CCSER1: variants seen among roughly 807,000 people sequenced by gnomAD.
CCSER1 encodes serine-rich coiled-coil domain-containing protein 1.
CCSER1 carries 41 observed loss-of-function variants against 82.0 expected under a neutral mutation model. The observed-to-expected ratio is 0.50, with a 90% CI of 0.39 to 0.65. CCSER1 has a LOEUF of 0.65. Ranked by LOEUF, CCSER1 falls within the 30% of genes least tolerant of loss-of-function variation. CCSER1 has a pLI of 0.00. For missense variants in CCSER1, 1,119 were observed against 1,064.2 expected (o/e 1.05, Z -0.72); for synonymous variants, 414 against 383.9 (o/e 1.08, Z -0.92).
chr4:90,145,080 T>C (rs1297129470), intron 1 of CCSER1, among the ~76,000 whole-genome samples: 1 of 152,122 alleles, frequency 6.6e-6, no homozygotes, highest in Non-Finnish European at 1.5e-5. Context: ...TCAAGTATTA[T>C]GATAAAAAGT....
At chr4:91,484,887 C>T (rs552253569) in intron 10 of CCSER1, among the ~76,000 whole-genome samples, 19 of 152,234 alleles carry the variant, frequency 1.2e-4, no homozygotes, top group South Asian at 8.3e-4. Context: ...AAGTCTAAAT[C>T]GATACCTGTG....
At chr4:90,541,109 C>G (rs1311295919) in intron 5 of CCSER1, among the ~76,000 whole-genome samples, 1 of 151,906 alleles carries the variant, frequency 6.6e-6, no homozygotes, top group Non-Finnish European at 1.5e-5. Context: ...TTCTTTCATC[C>G]TGGCCTGATG....
chr4:90,627,952 G>A, intron 5 of CCSER1, 73 bp from the exon 6 acceptor site: 1 of 1,127,882 alleles, frequency 8.9e-7, no homozygotes, highest in Non-Finnish European at 1.3e-6. Context: ...TAGAAACATT[G>A]ATTAACAACT....
intron 9 of CCSER1, among the ~76,000 whole-genome samples, chr4:90,932,970 G>GA (rs1190944883): frequency 4.1e-4 from 13 of 31,960 alleles, no homozygotes; most frequent in Non-Finnish European, 1.1e-4. Context: ...AAGAAAGAAA[G>GA]AAAGAAAGAA....
intron 4 of CCSER1, among the ~76,000 whole-genome samples, chr4:90,462,858 C>T (rs1004478658): frequency 3.3e-5 from 5 of 152,054 alleles, no homozygotes; most frequent in Non-Finnish European, 7.4e-5. Context: ...CACCACAACC[C>T]AAGTGCAAGA....
chr4:91,406,722 G>T (rs1286473795), intron 10 of CCSER1, among the ~76,000 whole-genome samples: 1 of 152,038 alleles, frequency 6.6e-6, no homozygotes, highest in Non-Finnish European at 1.5e-5. Flanking sequence ...ATATCTTCAT[G>T]ACTGTACAAC....
chr4:90,510,252 T>G (rs944471997), intron 5 of CCSER1, among the ~76,000 whole-genome samples: 3 of 152,220 alleles, frequency 2.0e-5, no homozygotes, highest in Admixed American at 2.0e-4. Flanking sequence ...TTTTTAACCT[T>G]CGCTGAAATG....
At chr4:90,911,589 G>A (rs763530807) in intron 8 of CCSER1, among the ~76,000 whole-genome samples, 12 of 152,174 alleles carry the variant, frequency 7.9e-5, no homozygotes, top group Non-Finnish European at 1.8e-4. Flanking sequence ...ATTTCCAACT[G>A]AGGTACCGGG....
chr4:90,706,087 G>C (rs773858330), intron 6 of CCSER1, among the ~76,000 whole-genome samples: 65 of 152,128 alleles, frequency 4.3e-4, no homozygotes, highest in Non-Finnish European at 7.5e-4. Context: ...CTGTAGACTG[G>C]AGCTGTTCCT....
In CCSER1 at chr4:91,067,644, C is replaced by T. The variant is rs79229390; in HGVS notation, c.2173-18306C>T. Among the ~76,000 whole-genome samples the T allele has an allele frequency of 8.7e-3, 1,321 of 152,182 alleles. 20 individuals are homozygous for T. The highest frequency in any genetic ancestry group is 0.031 in the African/African-American group (1,271 of 41,504). On this transcript the variant is annotated intron_variant, in intron 9 of 10. Coordinates refer to ENST00000509176, the MANE Select transcript of CCSER1 (RefSeq NM_001145065.2). ...ACAGGTATGAGCCACTGCACCCACC[C>T]CATCCTTCTTCTTTAAGGTAAATTA...
intron 7 of CCSER1, among the ~76,000 whole-genome samples, chr4:90,774,586 C>A (rs1752656061): frequency 6.6e-6 from 1 of 152,122 alleles, no homozygotes; most frequent in Admixed American, 6.5e-5. Flanking sequence ...TTTGCACCTT[C>A]TTCACTAAGA....
chr4:91,331,947 C>G (rs75321181), intron 10 of CCSER1, among the ~76,000 whole-genome samples: 2,673 of 152,106 alleles, frequency 0.018, 69 homozygotes, highest in African/African-American at 0.061. Flanking sequence ...TTTTCATCAC[C>G]ATCAAAATTA....
chr4:90,529,160 A>G (rs901204330), intron 5 of CCSER1, among the ~76,000 whole-genome samples: 2 of 152,132 alleles, frequency 1.3e-5, no homozygotes, highest in Non-Finnish European at 2.9e-5. Flanking sequence ...GTACATGTAT[A>G]TACACGTTGT....
At chr4:91,508,164 T>TG (rs1759619058) in intron 10 of CCSER1, among the ~76,000 whole-genome samples, 1 of 126,294 alleles carries the variant, frequency 7.9e-6, no homozygotes, top group Non-Finnish European at 1.7e-5. Flanking sequence ...TTTTCTGGGT[T>TG]TTTTTTTTTT....
chr4:90,223,466 A>G (rs1169857707), intron 1 of CCSER1, among the ~76,000 whole-genome samples: 2 of 152,216 alleles, frequency 1.3e-5, no homozygotes, highest in Non-Finnish European at 2.9e-5. Flanking sequence ...AACAAGAAGT[A>G]TGTGACTGTG....
intron 10 of CCSER1, among the ~76,000 whole-genome samples, chr4:91,541,542 A>G (rs1175154809): frequency 6.6e-6 from 1 of 152,096 alleles, no homozygotes; most frequent in Non-Finnish European, 1.5e-5. Context: ...CCATGTCCCT[A>G]CAAAGGACAT....
chr4:90,391,469 T>A (rs1166671528), intron 3 of CCSER1, among the ~76,000 whole-genome samples: 33 of 92,206 alleles, frequency 3.6e-4, no homozygotes, highest in African/African-American at 1.8e-3. Flanking sequence ...TATATATATA[T>A]ATATATATAT....
At chr4:91,369,661 C>CA (rs1749880650) in intron 10 of CCSER1, among the ~76,000 whole-genome samples, 3 of 73,418 alleles carry the variant, frequency 4.1e-5, no homozygotes, top group Non-Finnish European at 2.4e-5. Context: ...TAATCTGTAG[C>CA]TTTTTTTTTT....
chr4:90,696,589 C>T (rs1439693996), intron 6 of CCSER1, among the ~76,000 whole-genome samples: 1 of 152,132 alleles, frequency 6.6e-6, no homozygotes, highest in Non-Finnish European at 1.5e-5. Context: ...TAAACTTGTT[C>T]TGAAGTTCGC....
Sources: allele counts gnomAD v4.1 joint callset (sites outside exome capture counted in the v4.1 genomes callset), GRCh38; gene constraint gnomAD v4.1.1; transcripts MANE v1.5; gene names NCBI Gene and HGNC (gene_info 2026-07-23, HGNC 2026-07-21).